Variants in ZSCAN25 observed in about 807,000 individuals in gnomAD.
ZSCAN25 encodes zinc finger and SCAN domain-containing protein 25.
ZSCAN25 carries 27 observed loss-of-function variants against 38.7 expected under a neutral mutation model. The observed-to-expected ratio is 0.70, with a 90% CI of 0.51 to 0.96. The LOEUF is 0.96. Among genes scored for constraint, ZSCAN25 ranks in the 40% least tolerant of loss-of-function variants. The probability of loss-of-function intolerance (pLI) is 0.00; values close to 1 mark genes in which losing one functional copy is unlikely to be tolerated. For synonymous variants in ZSCAN25, 273 were observed against 277.7 expected (o/e 0.98, Z 0.17); for missense variants, 637 against 705.9 (o/e 0.90, Z 1.11).
the ZSCAN25 span, among the ~76,000 whole-genome samples, chr7:99,650,810 C>T: frequency 6.6e-6 from 1 of 151,986 alleles, no homozygotes; most frequent in Non-Finnish European, 1.5e-5. Flanking sequence ...TCTTTCTCCC[C>T]CACACCCTTA....
the ZSCAN25 span, among the ~76,000 whole-genome samples, chr7:99,646,917 A>T: frequency 6.6e-6 from 1 of 151,522 alleles, no homozygotes; most frequent in African/African-American, 2.4e-5. Context: ...TCATCTGTCT[A>T]TCTATCCATC....
At chr7:99,683,211 T>C in the ZSCAN25 span, among the ~76,000 whole-genome samples, 2 of 152,322 alleles carry the variant, frequency 1.3e-5, no homozygotes, top group Middle Eastern at 3.4e-3. Flanking sequence ...TCTAAAAAGC[T>C]CTGGTTCCTT....
the ZSCAN25 span, chr7:99,730,984 A>G: frequency 6.4e-7 from 1 of 1,568,566 alleles, no homozygotes; most frequent in Non-Finnish European, 8.8e-7. Context: ...TCTTGAGGAG[A>G]AGCATTTTTA....
chr7:99,652,370 G>A, the ZSCAN25 span: 2 of 490,726 alleles, frequency 4.1e-6, no homozygotes, highest in East Asian at 6.4e-5. Context: ...ACTGTGGATG[G>A]ATGTAGTTTC....
chr7:99,694,145 T>A, the ZSCAN25 span, among the ~76,000 whole-genome samples: 5 of 152,216 alleles, frequency 3.3e-5, no homozygotes, highest in African/African-American at 1.2e-4. Flanking sequence ...ATCTCATAAA[T>A]CCTTGAATGA....
chr7:99,704,050 A>G, the ZSCAN25 span, among the ~76,000 whole-genome samples: 22 of 152,132 alleles, frequency 1.4e-4, no homozygotes, highest in Admixed American at 6.5e-5. Flanking sequence ...GAAATAGGAA[A>G]AGAAAAGAAA....
At chr7:99,637,564 T>C in the ZSCAN25 span, among the ~76,000 whole-genome samples, 3 of 152,220 alleles carry the variant, frequency 2.0e-5, no homozygotes, top group Non-Finnish European at 4.4e-5. Context: ...TCAGAACTTA[T>C]TTGCTGACAT....
At chr7:99,632,986 G>GTTTTTTTTTTTTGTTTTTTTTT (rs201141594), downstream of ZSCAN25, among the ~76,000 whole-genome samples, 4 of 141,540 alleles carry the variant, frequency 2.8e-5, no homozygotes, top group East Asian at 4.3e-4. Flanking sequence ...TGCATTTTCT[G>GTTTTTTTTTTTTGTTTTTTTTT]TTGTTTTTTT....
At chr7:99,663,470 T>G in the ZSCAN25 span, 42 of 990,118 alleles carry the variant, frequency 4.2e-5, no homozygotes, top group Non-Finnish European at 8.4e-6. Flanking sequence ...ACCTCAATTC[T>G]CAGAGAAGAC....
the ZSCAN25 span, chr7:99,672,685 TG>T: frequency 6.2e-7 from 1 of 1,614,032 alleles, no homozygotes; most frequent in South Asian, 1.1e-5. Flanking sequence ...ACGTTCTGTG[TG>T]GGGACAACGG....
chr7:99,683,060 A>G, the ZSCAN25 span, among the ~76,000 whole-genome samples: 1 of 151,626 alleles, frequency 6.6e-6, no homozygotes, highest in African/African-American at 2.4e-5. Flanking sequence ...TCATTTGGAA[A>G]TATCATTTGG....
At chr7:99,634,235 G>C (rs1808177274), downstream of ZSCAN25, among the ~76,000 whole-genome samples, 1 of 152,258 alleles carries the variant, frequency 6.6e-6, no homozygotes, top group East Asian at 1.9e-4. Flanking sequence ...ATTTCATCAA[G>C]AAAGTTTGGT....
chr7:99,676,505 T>A, the ZSCAN25 span: 1 of 1,385,490 alleles, frequency 7.2e-7, no homozygotes, highest in Non-Finnish European at 9.6e-7. Context: ...CAGGCAGGAA[T>A]TCTTCCAGGA....
the ZSCAN25 span, among the ~76,000 whole-genome samples, chr7:99,727,105 C>G: frequency 3.3e-5 from 5 of 152,206 alleles, no homozygotes; most frequent in African/African-American, 1.2e-4. Context: ...TCCTTGAAGA[C>G]AGCTCTAGAG....
Position 99,631,719 on chromosome 7 carries a change from C to T in ZSCAN25, c.*1699C>T. On this transcript the variant is annotated 3_prime_UTR_variant, in exon 8 of 8. Transcript: ENST00000394152. ...TTGAAACGTGGTTTTATCACCTGTTCTTGTTAGGCAGCATGGTGTCTAATT... is the reference window on the plus strand; with the variant it reads ...TTGAAACGTGGTTTTATCACCTGTTTTTGTTAGGCAGCATGGTGTCTAATT... 1.0e-6 allele frequency: 1 copy of T among 985,190 alleles called. No individual in the cohort carries two copies. Among genetic ancestry groups the T allele is most frequent in the Non-Finnish European group, 1.2e-6 (1 of 829,922 alleles). 61.0% of individuals were successfully genotyped at this position (985,190 alleles called of 1,614,324 possible). A position where few individuals can be genotyped will look rare whatever the true frequency, so the allele number is the denominator to read the frequency against.
the ZSCAN25 span, among the ~76,000 whole-genome samples, chr7:99,716,969 G>C: frequency 6.6e-6 from 1 of 152,142 alleles, no homozygotes; most frequent in African/African-American, 2.4e-5. Context: ...CCTGACCTCT[G>C]TGCACAGGGG....
chr7:99,647,190 G>T, the ZSCAN25 span, among the ~76,000 whole-genome samples: 1 of 152,164 alleles, frequency 6.6e-6, no homozygotes, highest in Non-Finnish European at 1.5e-5. Context: ...GCTCTTGAAG[G>T]CCACACCTCT....
chr7:99,622,360 G>C (rs973390080), intron 5 of ZSCAN25, 189 bp from the exon 6 acceptor site: 3 of 635,092 alleles, frequency 4.7e-6, no homozygotes, highest in Non-Finnish European at 5.6e-6. Context: ...GGCCCCAGCT[G>C]AGAATAGGGC....
At chr7:99,723,941 A>G in the ZSCAN25 span, among the ~76,000 whole-genome samples, 2 of 152,218 alleles carry the variant, frequency 1.3e-5, no homozygotes, top group Middle Eastern at 3.4e-3. Context: ...CACATTTCAG[A>G]GGTATCTGAT....
Sources: gnomAD v4.1 joint callset for allele counts (sites outside exome capture counted in the v4.1 genomes callset) on GRCh38, gnomAD v4.1.1 for gene constraint, MANE v1.5 for transcripts, NCBI Gene and HGNC (gene_info 2026-07-23, HGNC 2026-07-21) for gene names.